XRCC4: variants seen among roughly 807,000 people sequenced by gnomAD.
The protein encoded by XRCC4 is DNA repair protein XRCC4.
Under a neutral mutation model 39.1 loss-of-function variants are expected in XRCC4, and 28 were observed. The observed-to-expected ratio is 0.72, with a 90% CI of 0.53 to 0.98. XRCC4 has a LOEUF of 0.98. Among genes scored for constraint, XRCC4 ranks in the 50% least tolerant of loss-of-function variants. The pLI is 0.00. For missense variants in XRCC4, 350 were observed against 376.4 expected, an observed-to-expected ratio of 0.93 and a Z score of 0.58; for synonymous variants, 123 against 126.4, an observed-to-expected ratio of 0.97 and a Z score of 0.18.
chr5:83,362,024 T>C, the XRCC4 span, among the ~76,000 whole-genome samples: 2 of 152,080 alleles, frequency 1.3e-5, no homozygotes, highest in African/African-American at 4.8e-5. Context: ...CCTCTTTCTT[T>C]TGCTCATCTC....
At chr5:83,119,124 C>T (rs1746876437) in intron 3 of XRCC4, among the ~76,000 whole-genome samples, 1 of 152,122 alleles carries the variant, frequency 6.6e-6, no homozygotes, top group Admixed American at 6.5e-5. Flanking sequence ...TTTTTAAAAA[C>T]AGCAGTCCAA....
intron 7 of XRCC4, among the ~76,000 whole-genome samples, chr5:83,268,470 A>G (rs902128693): frequency 6.6e-6 from 1 of 152,090 alleles, no homozygotes; most frequent in Admixed American, 6.6e-5. Flanking sequence ...ACATCATTTC[A>G]TTTATTTCAT....
intron 6 of XRCC4, among the ~76,000 whole-genome samples, chr5:83,227,667 A>AT (rs1752341796): frequency 6.6e-6 from 1 of 152,064 alleles, no homozygotes; most frequent in African/African-American, 2.4e-5. Context: ...TAAAGATTTT[A>AT]TTATCTCACA....
chr5:83,167,633 TGGA>T (rs1749543493), intron 3 of XRCC4, among the ~76,000 whole-genome samples: 1 of 152,142 alleles, frequency 6.6e-6, no homozygotes, highest in African/African-American at 2.4e-5. Context: ...ATGGGTTTGG[TGGA>T]GGAGGAGGAG....
chr5:83,290,569 GTTGC>G (rs1754888467), intron 7 of XRCC4, among the ~76,000 whole-genome samples: 1 of 151,646 alleles, frequency 6.6e-6, no homozygotes. Context: ...CCAACCTGGT[GTTGC>G]TTGTCTGAAA....
Position 83,135,300 on chromosome 5 carries a change from G to A in XRCC4, c.315+24097G>A, listed in dbSNP as rs186244167. Among the ~76,000 whole-genome samples, 9 of 152,160 alleles carry A rather than the reference G, an allele frequency of 5.9e-5. No individual in the cohort carries two copies. The South Asian group carries it at 8.3e-4, about 14-fold the overall frequency. ...GCAGAAATCACCCATCTTCTGTGTC[G>A]CTCACACTGGGAGCTATAGACTGGA... is the stretch of plus-strand genomic sequence containing the variant. On this transcript the variant is annotated intron_variant, in intron 3 of 7. Transcript: ENST00000396027.
At chr5:83,255,125 G>A (rs996396083) in intron 6 of XRCC4, among the ~76,000 whole-genome samples, 5 of 151,598 alleles carry the variant, frequency 3.3e-5, no homozygotes, top group African/African-American at 1.2e-4. Flanking sequence ...TTTGAAAAAT[G>A]TTCGAGATGA....
intron 7 of XRCC4, among the ~76,000 whole-genome samples, chr5:83,265,736 G>A (rs1486007969): frequency 6.6e-6 from 1 of 151,912 alleles, no homozygotes; most frequent in Non-Finnish European, 1.5e-5. Context: ...ACCTTTTAAA[G>A]CATGATTATT....
intron 7 of XRCC4, among the ~76,000 whole-genome samples, chr5:83,304,004 TAG>T (rs1165259878): frequency 1.1e-4 from 16 of 152,132 alleles, no homozygotes; most frequent in Non-Finnish European, 1.8e-4. Context: ...ACAGATTACC[TAG>T]AAGTGGTTAA....
At chr5:83,095,909 T>C (rs1381525847) in intron 1 of XRCC4, among the ~76,000 whole-genome samples, 2 of 152,030 alleles carry the variant, frequency 1.3e-5, no homozygotes, top group East Asian at 3.9e-4. Context: ...AGCAAGAGGA[T>C]TGGAGCTGAG....
intron 6 of XRCC4, among the ~76,000 whole-genome samples, chr5:83,236,917 A>G (rs188898503): frequency 1.3e-5 from 2 of 152,270 alleles, no homozygotes; most frequent in East Asian, 3.9e-4. Flanking sequence ...CTGAATAGCA[A>G]TTTCTCAAAA....
intron 6 of XRCC4, among the ~76,000 whole-genome samples, chr5:83,218,116 C>T (rs565113544): frequency 3.3e-5 from 5 of 149,996 alleles, no homozygotes; most frequent in Non-Finnish European, 7.4e-5. Context: ...ATGTGCACAA[C>T]GTGCAGGTTT....
intron 3 of XRCC4, among the ~76,000 whole-genome samples, chr5:83,162,238 A>G (rs1002169443): frequency 3.9e-5 from 6 of 152,216 alleles, no homozygotes; most frequent in African/African-American, 1.4e-4. Context: ...GTAGCTATTG[A>G]AGTCAAGTGC....
intron 7 of XRCC4, among the ~76,000 whole-genome samples, chr5:83,336,617 A>G (rs1428866340): frequency 6.6e-6 from 1 of 152,134 alleles, no homozygotes; most frequent in Non-Finnish European, 1.5e-5. Flanking sequence ...GATATAAGAG[A>G]TTTAAATTGA....
intron 6 of XRCC4, among the ~76,000 whole-genome samples, chr5:83,211,597 C>G (rs2112755707): frequency 6.6e-6 from 1 of 152,250 alleles, no homozygotes; most frequent in Middle Eastern, 3.4e-3. Flanking sequence ...GCTAGACTTT[C>G]AACATACTCC....
At chr5:83,204,780 C>A in intron 5 of XRCC4, 35 bp from the exon 6 acceptor site, 2 of 1,538,710 alleles carry the variant, frequency 1.3e-6, no homozygotes, top group South Asian at 2.4e-5. Context: ...GGGGGTGAGC[C>A]AGTTATTTAT....
At chr5:83,237,788 G>T (rs889669700) in intron 6 of XRCC4, among the ~76,000 whole-genome samples, 1 of 151,966 alleles carries the variant, frequency 6.6e-6, no homozygotes, top group African/African-American at 2.4e-5. Context: ...TTATTACCCT[G>T]ATTTGATCAT....
rs770811313 is a variant in XRCC4, at chr5:83,186,941, A to ATTTTTTTTTT, written c.316-8818_316-8809dup. ...TTTTGGCTCATGGCCTGCTTCTTCC[A>ATTTTTTTTTT]TTTTTTTTTTTTTTTTTTTTGAGAC... On this transcript the variant is annotated intron_variant, in intron 3 of 7. Coordinates refer to ENST00000396027, the MANE Select transcript of XRCC4 (RefSeq NM_003401.5). Among the ~76,000 whole-genome samples, 11 of 87,496 alleles carry ATTTTTTTTTT rather than the reference A, an allele frequency of 1.3e-4. 1 individual carries two copies. Among genetic ancestry groups the ATTTTTTTTTT allele is most frequent in the African/African-American group, 6.6e-4 (11 of 16,636 alleles). 57.4% of individuals were successfully genotyped at this position (87,496 alleles called of 152,430 possible). A position where few individuals can be genotyped will look rare whatever the true frequency, so the allele number is the denominator to read the frequency against.
At chr5:83,141,193 AC>A (rs1274280094) in intron 3 of XRCC4, among the ~76,000 whole-genome samples, 1 of 152,198 alleles carries the variant, frequency 6.6e-6, no homozygotes, top group Non-Finnish European at 1.5e-5. Context: ...GGATATGTCA[AC>A]TTTCAACAAC....
Sources: allele counts gnomAD v4.1 joint callset (sites outside exome capture counted in the v4.1 genomes callset), GRCh38; gene constraint gnomAD v4.1.1; transcripts MANE v1.5; gene names NCBI Gene and HGNC (gene_info 2026-07-23, HGNC 2026-07-21).